SPEF2: variants seen among roughly 807,000 people sequenced by gnomAD.
The protein encoded by SPEF2 is sperm flagellar and cilia associated 2.
SPEF2 carries 187 observed loss-of-function variants against 224.6 expected under a neutral mutation model. The observed-to-expected ratio is 0.83, with a 90% CI of 0.74 to 0.94. The LOEUF (loss-of-function observed/expected upper bound fraction) is 0.94, where lower values mean the gene tolerates loss of function less well. SPEF2 is among the 40% of genes least tolerant of loss of function. SPEF2 has a pLI of 0.00. For synonymous variants in SPEF2, 715 were observed against 707.3 expected (o/e 1.01, Z -0.17); for missense variants, 2,170 against 2,135.6 (o/e 1.02, Z -0.32).
chr5:35,736,922 T>TA (rs70973057), intron 21 of SPEF2, among the ~76,000 whole-genome samples: 3 of 151,608 alleles, frequency 2.0e-5, no homozygotes, highest in African/African-American at 7.3e-5. Context: ...TCCAAAAAAA[T>TA]AAAAAAAAAC....
intron 20 of SPEF2, among the ~76,000 whole-genome samples, chr5:35,714,325 C>G (rs1221862186): frequency 6.6e-6 from 1 of 151,354 alleles, no homozygotes; most frequent in East Asian, 1.9e-4. Context: ...CAACCCCACT[C>G]CCTGCTTTTT....
At position 35,751,766 on chromosome 5, in the gene SPEF2, T is replaced by A. The variant is rs185841202; in HGVS notation, c.3331-1858T>A. ...ATAAAATTCACTGTAGGCATTAAACTGCTTGGGTTCAAATTAATTTCTGGC... is the reference window on the plus strand; with the variant it reads ...ATAAAATTCACTGTAGGCATTAAACAGCTTGGGTTCAAATTAATTTCTGGC... On this transcript the variant is annotated intron_variant, in intron 23 of 36. Coordinates refer to ENST00000356031, the MANE Select transcript of SPEF2 (RefSeq NM_024867.4). Among the ~76,000 whole-genome samples, 553 of 152,308 alleles carry A rather than the reference T, an allele frequency of 3.6e-3. 16 individuals are homozygous for A. The highest frequency in any genetic ancestry group is 0.035 in the Admixed American group (531 of 15,298).
At chr5:35,632,981 C>G (rs1370293281) in intron 2 of SPEF2, 2 of 152,070 alleles carry the variant, frequency 1.3e-5, no homozygotes, top group Non-Finnish European at 2.9e-5. Context: ...TCTGGTAAAA[C>G]CTATAAAACC....
At chr5:35,703,876 T>G (rs552097971) in intron 16 of SPEF2, among the ~76,000 whole-genome samples, 2 of 152,326 alleles carry the variant, frequency 1.3e-5, no homozygotes, top group South Asian at 4.1e-4. Flanking sequence ...GCTCGAACTC[T>G]ATTAATTTGC....
intron 2 of SPEF2, among the ~76,000 whole-genome samples, chr5:35,631,770 T>TG (rs1033992683): frequency 3.9e-5 from 6 of 152,186 alleles, no homozygotes; most frequent in Admixed American, 2.6e-4. Context: ...CAAAAATATT[T>TG]GGGAAAAAAA....
intron 21 of SPEF2, 26 bp from the exon 22 acceptor site, chr5:35,739,893 A>C: frequency 6.2e-7 from 1 of 1,607,496 alleles, no homozygotes; most frequent in Non-Finnish European, 8.5e-7. Flanking sequence ...TTGAAGTAAC[A>C]GTTTCTACAC....
intron 6 of SPEF2, among the ~76,000 whole-genome samples, chr5:35,653,761 A>G (rs773396048): frequency 3.9e-5 from 6 of 151,958 alleles, no homozygotes; most frequent in Non-Finnish European, 8.8e-5. Context: ...CCTGACCAGC[A>G]TGGTGAAACC....
intron 8 of SPEF2, among the ~76,000 whole-genome samples, chr5:35,660,722 G>A (rs766618716): frequency 1.3e-5 from 2 of 152,148 alleles, no homozygotes; most frequent in Admixed American, 1.3e-4. Flanking sequence ...GAAATGATGT[G>A]TTTATCTTTC....
chr5:35,682,832 T>A (rs894235845), intron 10 of SPEF2, among the ~76,000 whole-genome samples: 1 of 152,218 alleles, frequency 6.6e-6, no homozygotes, highest in Non-Finnish European at 1.5e-5. Context: ...CCAACTTGGA[T>A]GTTTAGAAGT....
At chr5:35,800,475 A>G (rs1342051304) in intron 34 of SPEF2, among the ~76,000 whole-genome samples, 1 of 152,190 alleles carries the variant, frequency 6.6e-6, no homozygotes, top group African/African-American at 2.4e-5. Context: ...AACCCAATCC[A>G]TTTGGGATTC....
intron 26 of SPEF2, among the ~76,000 whole-genome samples, chr5:35,764,075 T>C (rs1241007857): frequency 2.6e-5 from 4 of 152,066 alleles, no homozygotes; most frequent in Non-Finnish European, 5.9e-5. Flanking sequence ...AAAAATGAGG[T>C]CTGGCATGGC....
At chr5:35,656,277 C>T (rs1054803126) in intron 7 of SPEF2, among the ~76,000 whole-genome samples, 1 of 152,050 alleles carries the variant, frequency 6.6e-6, no homozygotes, top group African/African-American at 2.4e-5. Context: ...TCTGCTTGTT[C>T]GCTGAAAGGA....
chr5:35,756,734 A>G (rs934273715), intron 24 of SPEF2, among the ~76,000 whole-genome samples: 1 of 152,092 alleles, frequency 6.6e-6, no homozygotes, highest in Admixed American at 6.5e-5. Flanking sequence ...CAAAACAAGG[A>G]CTCTGTGATC....
intron 10 of SPEF2, among the ~76,000 whole-genome samples, chr5:35,688,436 T>G (rs1753972586): frequency 6.6e-6 from 1 of 152,210 alleles, no homozygotes; most frequent in African/African-American, 2.4e-5. Context: ...TTGTTTTATT[T>G]TGTTTATTTT....
intron 20 of SPEF2, among the ~76,000 whole-genome samples, chr5:35,723,432 G>A (rs139307739): frequency 6.5e-4 from 99 of 151,794 alleles, no homozygotes; most frequent in Middle Eastern, 3.4e-3. Context: ...GTGTTTTAAC[G>A]AGCCCACTAG....
intron 36 of SPEF2, chr5:35,807,838 C>T (rs963250923): frequency 9.8e-6 from 15 of 1,523,002 alleles, no homozygotes; most frequent in Middle Eastern, 1.7e-4. Context: ...GCTAAATGTG[C>T]ATCCACTATG....
chr5:35,806,672 G>A lies in SPEF2; in HGVS notation c.5011-35G>A, dbSNP rs748400761. On this transcript the variant is annotated intron_variant, in intron 34 of 36. Coordinates refer to ENST00000356031, the MANE Select transcript of SPEF2 (RefSeq NM_024867.4). ...GTCTCCATTGGTGGAAAAAACTTCA[G>A]TTTAACTTCATGTTCTCTTCATTTA... The A allele has an allele frequency of 1.9e-6, 3 of 1,581,662 alleles. No individual in the cohort carries two copies. In the East Asian group the frequency reaches 6.7e-5, roughly 35 times the overall value.
intron 30 of SPEF2, among the ~76,000 whole-genome samples, chr5:35,791,856 A>G (rs570184068): frequency 5.4e-4 from 82 of 152,268 alleles, no homozygotes; most frequent in African/African-American, 1.8e-3. Flanking sequence ...GATTTACAAA[A>G]GCAAATATGG....
In SPEF2 at chr5:35,696,422, T is replaced by C. The variant is rs73082296; in HGVS notation, c.2037+626T>C. ...ACCAAACTGTAAACAAGATGAGCAA[T>C]GGGAAGGGAAATGGGTTCAGAAAAA... On this transcript the variant is annotated intron_variant, in intron 14 of 36. Coordinates refer to ENST00000356031, the MANE Select transcript of SPEF2 (RefSeq NM_024867.4). Among the ~76,000 whole-genome samples the C allele has an allele frequency of 9.8e-3, 1,487 of 152,214 alleles. 30 individuals are homozygous for C. The highest frequency in any genetic ancestry group is 0.035 in the African/African-American group (1,438 of 41,526).
Sources: allele counts gnomAD v4.1 joint callset (sites outside exome capture counted in the v4.1 genomes callset), GRCh38; gene constraint gnomAD v4.1.1; transcripts MANE v1.5; gene names NCBI Gene and HGNC (gene_info 2026-07-23, HGNC 2026-07-21).